The following DNAAF9 variants were observed in gnomAD, a reference collection of about 807,000 sequenced individuals.
The protein encoded by DNAAF9 is dynein axonemal assembly factor 9, also known as shulin.
In DNAAF9, 90 loss-of-function variants were observed where a neutral mutation model predicts 167.0. The observed-to-expected ratio is 0.54, with a 90% CI of 0.45 to 0.64. The LOEUF (loss-of-function observed/expected upper bound fraction) is 0.64. Ranked by LOEUF, DNAAF9 falls within the 30% of genes least tolerant of loss-of-function variation. The probability of loss-of-function intolerance (pLI) is 0.00; values close to 1 mark genes in which losing one functional copy is unlikely to be tolerated. For synonymous variants in DNAAF9, 491 were observed against 508.8 expected (o/e 0.96, Z 0.47); for missense variants, 1,315 against 1,442.2 (o/e 0.91, Z 1.43).
intron 8 of DNAAF9, among the ~76,000 whole-genome samples, chr20:3,345,200 T>C (rs1331155804): frequency 6.6e-6 from 1 of 152,158 alleles, no homozygotes; most frequent in Non-Finnish European, 1.5e-5. Context: ...GCGTTTTTAG[T>C]AGAGACAGGG....
intron 20 of DNAAF9, among the ~76,000 whole-genome samples, chr20:3,312,868 C>CTTT (rs968186670): frequency 3.2e-4 from 49 of 152,290 alleles, no homozygotes; most frequent in African/African-American, 1.1e-3. Context: ...CCTCAGAAAA[C>CTTT]CATCTCCTAA....
intron 31 of DNAAF9, among the ~76,000 whole-genome samples, chr20:3,263,582 G>A (rs749033452): frequency 2.0e-5 from 3 of 152,140 alleles, no homozygotes; most frequent in Admixed American, 2.0e-4. Flanking sequence ...ACTCTTTGCT[G>A]CCCCTGGTAC....
intron 3 of DNAAF9, among the ~76,000 whole-genome samples, chr20:3,378,723 G>A (rs143679976): frequency 1.3e-5 from 2 of 152,254 alleles, no homozygotes; most frequent in African/African-American, 2.4e-5. Flanking sequence ...GTAGGACAAC[G>A]TCAAAAGGGT....
chr20:3,347,151 G>C (rs1260248194), intron 8 of DNAAF9, among the ~76,000 whole-genome samples: 1 of 152,070 alleles, frequency 6.6e-6, no homozygotes, highest in East Asian at 1.9e-4. Context: ...CTTATATTCA[G>C]AGATTAGAAT....
intron 27 of DNAAF9, among the ~76,000 whole-genome samples, chr20:3,285,611 G>A (rs534339327): frequency 4.0e-5 from 6 of 151,662 alleles, no homozygotes; most frequent in Non-Finnish European, 8.8e-5. Context: ...CCCAGGAGGC[G>A]GAGGTTGCAG....
chr20:3,277,169 G>T (rs1041957321), intron 29 of DNAAF9, among the ~76,000 whole-genome samples: 1 of 152,230 alleles, frequency 6.6e-6, no homozygotes, highest in Admixed American at 6.5e-5. Context: ...GGCCCACTTG[G>T]AGCTGGCTTC....
intron 1 of DNAAF9, among the ~76,000 whole-genome samples, chr20:3,389,257 C>T (rs1041078994): frequency 3.9e-5 from 6 of 152,052 alleles, no homozygotes; most frequent in African/African-American, 9.6e-5. Flanking sequence ...GTGATTCTCC[C>T]ACCTCAGCCT....
rs2069820820 is a variant in DNAAF9 at position 3,331,095 on chromosome 20, TTTTTC to T, written c.1064-418_1064-414del. ...CGTGAGCCACCATGCCCAGCCTACTTTTTTCTTTTAAGTTAAATATAGTACAAACA... is the reference window on the plus strand; with the variant it reads ...CGTGAGCCACCATGCCCAGCCTACTTTTTTAAGTTAAATATAGTACAAACA... On this transcript the variant is annotated intron_variant, in intron 11 of 36. Coordinates refer to ENST00000252032, the MANE Select transcript of DNAAF9 (RefSeq NM_001009984.3). Among the ~76,000 whole-genome samples, 6 of 151,978 alleles carry T rather than the reference TTTTTC, an allele frequency of 3.9e-5. No individual in the cohort carries two copies. The South Asian group carries it at 1.2e-3, about 32-fold the overall frequency.
intron 21 of DNAAF9, among the ~76,000 whole-genome samples, chr20:3,301,243 A>C: frequency 6.7e-6 from 1 of 149,736 alleles, no homozygotes; most frequent in East Asian, 2.0e-4. Flanking sequence ...GCTGGAGTGC[A>C]ATGGCGCAAT....
At chr20:3,290,787 C>CTTTTTT (rs548143543) in intron 25 of DNAAF9, among the ~76,000 whole-genome samples, 2 of 135,326 alleles carry the variant, frequency 1.5e-5, no homozygotes, top group African/African-American at 5.5e-5. Flanking sequence ...AGGGCTAAGT[C>CTTTTTT]TTTTTTTTTT....
intron 24 of DNAAF9, 24 bp downstream of exon 24, chr20:3,294,504 T>C: frequency 6.8e-7 from 1 of 1,480,178 alleles, no homozygotes; most frequent in Non-Finnish European, 9.4e-7. Flanking sequence ...ATATTAAACA[T>C]CTATAAACAG....
chr20:3,286,546 A>G (rs1044393414), intron 27 of DNAAF9, among the ~76,000 whole-genome samples: 9 of 152,162 alleles, frequency 5.9e-5, no homozygotes, highest in Admixed American at 2.6e-4. Context: ...AAACCAGAAG[A>G]AAACAAGTGG....
intron 1 of DNAAF9, among the ~76,000 whole-genome samples, chr20:3,403,924 C>A (rs2084021201): frequency 6.6e-6 from 1 of 151,918 alleles, no homozygotes; most frequent in African/African-American, 2.4e-5. Flanking sequence ...GAGTAGCTGA[C>A]CTACAGGTGA....
At position 3,368,782 on chromosome 20, in the gene DNAAF9, T is replaced by C. The variant is rs531497287; in HGVS notation, c.612+5266A>G. Among the ~76,000 whole-genome samples the C allele has an allele frequency of 9.9e-5, 15 of 152,180 alleles. No homozygotes were observed. In the South Asian group the frequency reaches 2.5e-3, roughly 25 times the overall value. ...ATCCCTCCGCCTCGGCCTCCCAAAG[T>C]GCTGGGATTACAGGCATGAGCCACT... On this transcript the variant is annotated intron_variant, in intron 6 of 36. Coordinates refer to ENST00000252032, the MANE Select transcript of DNAAF9 (RefSeq NM_001009984.3).
Position 3,392,523 on chromosome 20 carries a change from C to T in DNAAF9, c.84-10017G>A, listed in dbSNP as rs75702592. Among the ~76,000 whole-genome samples the T allele has an allele frequency of 6.5e-4, 99 of 152,318 alleles. No homozygotes were observed. The East Asian group carries it at 0.018, about 27-fold the overall frequency. On this transcript the variant is annotated intron_variant, in intron 1 of 36. Transcript: ENST00000252032. ...ACCTAAGTGAGCAGGTACCCTGACTCTGAACTTTTTCTTTCTGCTGAACCC... is the reference window on the plus strand; with the variant it reads ...ACCTAAGTGAGCAGGTACCCTGACTTTGAACTTTTTCTTTCTGCTGAACCC...
chr20:3,394,942 CTTTTTTCTTTTTTTTT>C (rs2083880621), intron 1 of DNAAF9, among the ~76,000 whole-genome samples: 12 of 89,052 alleles, frequency 1.3e-4, no homozygotes, highest in Admixed American at 2.9e-4. Context: ...TGAACATTTT[CTTTTTTCTTTTTTTTT>C]TTTTTTTTTT....
At chr20:3,361,839 T>A in intron 6 of DNAAF9, 1 of 1,430,126 alleles carries the variant, frequency 7.0e-7, no homozygotes, top group Non-Finnish European at 9.7e-7. Flanking sequence ...TTAAATCGAA[T>A]GTTGGGGGGA....
At chr20:3,405,835 C>T (rs6051836) in intron 1 of DNAAF9, among the ~76,000 whole-genome samples, 36,188 of 152,098 alleles carry the variant, frequency 0.24, 4,928 homozygotes, top group African/African-American at 0.35. Context: ...ACCTCAAGTC[C>T]ACACAGAGCC....
chr20:3,281,593 G>A (rs757457297), intron 28 of DNAAF9, 48 bp downstream of exon 28: 8 of 1,530,700 alleles, frequency 5.2e-6, no homozygotes, highest in Non-Finnish European at 7.0e-6. Context: ...TCTGGTGGGT[G>A]GAAACAAATC....
Sources: gnomAD v4.1 joint callset for allele counts (sites outside exome capture counted in the v4.1 genomes callset) on GRCh38, gnomAD v4.1.1 for gene constraint, MANE v1.5 for transcripts, NCBI Gene and HGNC (gene_info 2026-07-23, HGNC 2026-07-21) for gene names.